SRRT: variants seen among roughly 807,000 people sequenced by gnomAD.
SRRT encodes the protein serrate, RNA effector molecule, also known as serrate RNA effector molecule homolog.
Under a neutral mutation model 103.2 loss-of-function variants are expected in SRRT, and 32 were observed. That is an observed-to-expected ratio of 0.31 (90% CI 0.23 to 0.42). SRRT has a LOEUF of 0.42. Ranked by LOEUF, SRRT falls within the 10% of genes least tolerant of loss-of-function variation. The pLI, the probability that SRRT is intolerant of heterozygous loss-of-function variation, is 1.00. For synonymous variants in SRRT, 525 were observed against 449.0 expected (o/e 1.17, Z -2.14); for missense variants, 986 against 1,207.5 (o/e 0.82, Z 2.72).
rs370063149 is a variant in SRRT at position 100,884,473 on chromosome 7, A to G, written c.863A>G (p.Glu288Gly). The G allele has an allele frequency of 2.8e-5, 45 of 1,613,698 alleles. No homozygotes were observed. Among genetic ancestry groups the G allele is most frequent in the Middle Eastern group, 1.6e-4 (1 of 6,080 alleles). The change falls in exon 7 of 20, where the codon GAA becomes GGA. Residue 288 changes from glutamate (E) to glycine (G), a missense_variant. Physicochemically the swap from Glu to Gly is moderately conservative, Grantham distance 98. Around this residue, in one of 6 missense-constraint regions of SRRT, gnomAD observed 166 missense variants for 148.6 expected, o/e 1.12. Coordinates refer to ENST00000611405, the MANE Select transcript of SRRT (RefSeq NM_015908.6). ...GKPGEPSKKE[E>G]GRAGAGLGDG... ...CCTGGGGAGCCCAGCAAGAAAGAAG[A>G]AGGACGGGCTGGAGCAGGCCTAGGG...
intron 3 of SRRT, 84 bp downstream of exon 3, chr7:100,881,497 C>A: frequency 6.4e-7 from 1 of 1,572,194 alleles, no homozygotes; most frequent in Non-Finnish European, 8.6e-7. Context: ...GTGCCTAAAT[C>A]TTTGTCATTT....
chr7:100,885,853 T>C lies in SRRT; in HGVS notation c.1380-10T>C, dbSNP rs1357175859. On this transcript the variant is annotated splice_polypyrimidine_tract_variant and intron_variant, in intron 11 of 19. Coordinates refer to ENST00000611405, the MANE Select transcript of SRRT (RefSeq NM_015908.6). The surrounding 1 kb of genome is among the most constrained non-coding windows in gnomAD (Gnocchi z 4.8). ...CGCTTGACTATGCTAACATTTTCTT[T>C]CTTGTGTAGGTTTTTCCGTCGTGGC... 3.1e-6 allele frequency: 5 copies of C among 1,614,104 alleles called. No individual in the cohort carries two copies. The highest frequency in any genetic ancestry group is 2.2e-5 in the East Asian group (1 of 44,870).
In SRRT at chr7:100,885,788, A is replaced by G; in HGVS notation, c.1379+26A>G. On this transcript the variant is annotated intron_variant, in intron 11 of 19. Transcript: ENST00000611405. This position sits in a 1 kb window ranked among gnomAD's most constrained non-coding sequence, Gnocchi z 4.8. ...GTGAGTAACTCGGTGCGTTGGAGGG[A>G]AAAGTGCAGGGGAACGTTAATGGCC... 6.2e-7 allele frequency: 1 copy of G among 1,613,962 alleles called. No individual in the cohort carries two copies. Among genetic ancestry groups the G allele is most frequent in the Non-Finnish European group, 8.5e-7 (1 of 1,179,882 alleles).
At position 100,887,832 on chromosome 7, in the gene SRRT, C is replaced by G. The variant is rs1252020685; in HGVS notation, c.2299C>G (p.Pro767Ala). 2 of 1,607,538 alleles carry G rather than the reference C, an allele frequency of 1.2e-6. No homozygotes were observed. Among genetic ancestry groups the G allele is most frequent in the East Asian group, 4.5e-5 (2 of 44,648 alleles). ...GCGCCCAGCTCTGCCTGAGATCAAGCCAGCCCAGCCACCTGGCCCCGCCCA... is the reference window on the plus strand; with the variant it reads ...GCGCCCAGCTCTGCCTGAGATCAAGGCAGCCCAGCCACCTGGCCCCGCCCA... ...AKRPALPEIKPAQPPGPAQIL... is the reference protein window; with the variant it reads ...AKRPALPEIKAAQPPGPAQIL... The change falls in exon 17 of 20, where the codon CCA becomes GCA. Residue 767 changes from proline to alanine, a missense_variant. Coordinates refer to ENST00000611405, the MANE Select transcript of SRRT (RefSeq NM_015908.6). This position sits in a 1 kb window ranked among gnomAD's most constrained non-coding sequence, Gnocchi z 4.1.
At chr7:100,876,692 A>G (rs1376341858) in intron 2 of SRRT, among the ~76,000 whole-genome samples, 1 of 152,202 alleles carries the variant, frequency 6.6e-6, no homozygotes, top group Non-Finnish European at 1.5e-5. Context: ...AGGGTGTTAC[A>G]GTGAGCTTGG....
chr7:100,877,052 C>T (rs1337165257), intron 2 of SRRT, among the ~76,000 whole-genome samples: 1 of 152,016 alleles, frequency 6.6e-6, no homozygotes, highest in African/African-American at 2.4e-5. Context: ...GCCATTTCCA[C>T]TGTTGGTGCC....
chr7:100,875,828 T>C, intron 2 of SRRT, 116 bp downstream of exon 2: 1 of 1,345,042 alleles, frequency 7.4e-7, no homozygotes, highest in Non-Finnish European at 1.0e-6. Flanking sequence ...AAATGGCTCA[T>C]TGGACCGTTT....
At chr7:100,878,495 A>C (rs1433793388) in intron 2 of SRRT, among the ~76,000 whole-genome samples, 1 of 152,238 alleles carries the variant, frequency 6.6e-6, no homozygotes, top group Admixed American at 6.5e-5. Context: ...TTAATGCAGC[A>C]GAGAAAGAAA....
chr7:100,886,001 C>A, intron 12 of SRRT, 60 bp downstream of exon 12: 2 of 1,542,590 alleles, frequency 1.3e-6, no homozygotes, highest in Non-Finnish European at 9.0e-7. Context: ...CACACGGGAC[C>A]TCTGTGTGAC....
chr7:100,887,410 G>A lies in SRRT; in HGVS notation c.2066G>A (p.Gly689Glu). The A allele has an allele frequency of 6.2e-7, 1 of 1,614,208 alleles. No homozygotes were observed. Residue 689 changes from glycine (G) to glutamate (E), a missense_variant, in exon 16 of 20, where the codon GGG becomes GAG. Physicochemically the swap from Gly to Glu is moderately conservative, Grantham distance 98. Coordinates refer to ENST00000611405, the MANE Select transcript of SRRT (RefSeq NM_015908.6). This position sits in a 1 kb window ranked among gnomAD's most constrained non-coding sequence, Gnocchi z 4.1. ...SLSEEEAQKM[G>E]RKDPEQEVEK... ...TCAGAGGAAGAGGCCCAGAAGATGG[G>A]GCGCAAAGACCCAGAGCAGGAAGTG...
rs567340203 is a variant in SRRT at position 100,888,447 on chromosome 7, T to G, written c.2556-27T>G. 1.9e-5 allele frequency: 31 copies of G among 1,613,670 alleles called. No individual in the cohort carries two copies. The South Asian group carries it at 3.4e-4, about 18-fold the overall frequency. On this transcript the variant is annotated intron_variant, in intron 19 of 19. Coordinates refer to ENST00000611405, the MANE Select transcript of SRRT (RefSeq NM_015908.6). ...AGACTCCCTTTTGGGAGCCCTCAGCTCTCATCCTGTACCTCTCACCTCACA... is the reference window on the plus strand; with the variant it reads ...AGACTCCCTTTTGGGAGCCCTCAGCGCTCATCCTGTACCTCTCACCTCACA...
intron 6 of SRRT, 63 bp downstream of exon 6, chr7:100,884,302 C>T: frequency 6.2e-7 from 1 of 1,609,018 alleles, no homozygotes; most frequent in Non-Finnish European, 8.5e-7. Context: ...GTCTGGGGAT[C>T]AGGTAGAAGC....
At position 100,888,072 on chromosome 7, in the gene SRRT, C is replaced by T. The variant is rs1790332854; in HGVS notation, c.2357C>T (p.Pro786Leu). The change falls in exon 18 of 20, where the codon CCC becomes CTC. Residue 786 changes from proline to leucine, a missense_variant. Pro to Leu is a moderately conservative substitution (Grantham distance 98). Around this residue, in one of 6 missense-constraint regions of SRRT, gnomAD observed 178 missense variants for 189.6 expected, o/e 0.94. Coordinates refer to ENST00000611405, the MANE Select transcript of SRRT (RefSeq NM_015908.6). ...ILPPGLTPGL[P>L]YPHQTPQGLM... ...CCCCCAGGTTTGACCCCAGGACTCC[C>T]CTACCCACACCAGACTCCCCAGGGC... is the stretch of plus-strand genomic sequence containing the variant. 1 of 1,584,472 alleles carries T rather than the reference C, an allele frequency of 6.3e-7. No homozygotes were observed. The highest frequency in any genetic ancestry group is 1.4e-5 in the African/African-American group (1 of 73,696).
At position 100,882,395 on chromosome 7, in the gene SRRT, C is replaced by G. The variant is rs1038858227; in HGVS notation, c.587+154C>G. 2 of 807,700 alleles carry G rather than the reference C, an allele frequency of 2.5e-6. No individual in the cohort carries two copies. Among genetic ancestry groups the G allele is most frequent in the Non-Finnish European group, 3.8e-6 (2 of 525,828 alleles). The allele number at this position is 807,700 out of a possible 1,614,324, so 50.0% of individuals were successfully genotyped here. A position where few individuals can be genotyped will look rare whatever the true frequency, so the allele number is the denominator to read the frequency against. On this transcript the variant is annotated intron_variant, in intron 5 of 19. Transcript: ENST00000611405. This position sits in a 1 kb window ranked among gnomAD's most constrained non-coding sequence, Gnocchi z 4.2. ...TGACAGCATTGGCTGATGGGGTCTC[C>G]CCCTCACTTCAGCAACTGCCACGGC...
intron 5 of SRRT, chr7:100,883,124 C>T (rs1015912763): frequency 7.2e-5 from 11 of 152,544 alleles, no homozygotes; most frequent in African/African-American, 2.6e-4. Flanking sequence ...TGCGGCTTTC[C>T]TTTCCTCTTC....
intron 1 of SRRT, 81 bp from the exon 2 acceptor site, chr7:100,875,492 C>G (rs771884979): frequency 5.1e-6 from 8 of 1,575,044 alleles, no homozygotes; most frequent in Non-Finnish European, 6.9e-6. Flanking sequence ...GGGAGGGAAG[C>G]GGGCGAGCTG....
Position 100,881,509 on chromosome 7 carries a change from C to T in SRRT, c.251+96C>T. The T allele has an allele frequency of 5.1e-6, 8 of 1,561,014 alleles. 1 individual carries two copies. The highest frequency in any genetic ancestry group is 1.9e-5 in the Admixed American group (1 of 53,132). On this transcript the variant is annotated intron_variant, in intron 3 of 19. Transcript: ENST00000611405. ...CCTGTGCCTAAATCTTTGTCATTTC[C>T]TTTTCTCAACTTCCCATCACCCATC...
At position 100,888,342 on chromosome 7, in the gene SRRT, C is replaced by T; in HGVS notation, c.2514C>T (p.Ala838=). 3 of 1,614,122 alleles carry T rather than the reference C, an allele frequency of 1.9e-6. No homozygotes were observed. Among genetic ancestry groups the T allele is most frequent in the Non-Finnish European group, 2.5e-6 (3 of 1,179,978 alleles). The part of the protein sequence containing the change: ...PYGAGRGNYD[A]FRGQGGYPGK... ...GTGCTGGTCGAGGGAACTATGATGC[C>T]TTCCGAGGCCAGGGAGGTTATCCTG... Residue 838 remains alanine (A), a synonymous_variant, in exon 19 of 20, where the codon GCC becomes GCT. Coordinates refer to ENST00000611405, the MANE Select transcript of SRRT (RefSeq NM_015908.6).
intron 7 of SRRT, 86 bp downstream of exon 7, chr7:100,884,638 G>C (rs372458329): frequency 8.2e-6 from 12 of 1,461,652 alleles, no homozygotes; most frequent in Non-Finnish European, 1.0e-5. Flanking sequence ...GAAGTAGGGG[G>C]CTGGGGAAAA....
Sources: gnomAD v4.1 joint callset for allele counts (sites outside exome capture counted in the v4.1 genomes callset) on GRCh38, gnomAD v4.1.1 for gene constraint, gnomAD v4.1.1 regional missense constraint, Gnocchi (gnomAD v3.1) non-coding constraint, MANE v1.5 for transcripts, NCBI Gene and HGNC (gene_info 2026-07-23, HGNC 2026-07-21) for gene names.